Variants in SPAG16 observed in about 807,000 individuals in gnomAD.
SPAG16 encodes the protein sperm-associated antigen 16 protein.
SPAG16 carries 86 observed loss-of-function variants against 80.4 expected under a neutral mutation model. That is an observed-to-expected ratio of 1.07 (90% CI 0.90 to 1.28). The LOEUF (loss-of-function observed/expected upper bound fraction) is 1.28, where lower values mean the gene tolerates loss of function less well. Ranked by LOEUF, SPAG16 falls within the 50% of genes most tolerant of loss-of-function variation. The probability of loss-of-function intolerance (pLI) is 0.00; values close to 1 mark genes in which losing one functional copy is unlikely to be tolerated. For synonymous variants in SPAG16, 294 were observed against 265.9 expected, an observed-to-expected ratio of 1.11 and a Z score of -1.03; for missense variants, 870 against 765.3, an observed-to-expected ratio of 1.14 and a Z score of -1.61.
At chr2:214,137,983 GT>G (rs2055151280) in intron 14 of SPAG16, among the ~76,000 whole-genome samples, 1 of 152,002 alleles carries the variant, frequency 6.6e-6, no homozygotes, top group African/African-American at 2.4e-5. Context: ...CAAAATTAGG[GT>G]GTTCATTGGC....
At chr2:214,061,981 G>GCA (rs58582439) in intron 13 of SPAG16, among the ~76,000 whole-genome samples, 8,704 of 111,528 alleles carry the variant, frequency 0.078, 351 homozygotes, top group Middle Eastern at 0.19. Flanking sequence ...ATAAAAGCAT[G>GCA]CACACACACA....
intron 9 of SPAG16, among the ~76,000 whole-genome samples, chr2:213,437,210 A>G (rs2070697942): frequency 6.6e-6 from 1 of 152,002 alleles, no homozygotes; most frequent in African/African-American, 2.4e-5. Context: ...AAAATGAGAA[A>G]CTCTTAGTCT....
intron 9 of SPAG16, among the ~76,000 whole-genome samples, chr2:213,427,773 C>T (rs187368849): frequency 2.0e-4 from 30 of 152,280 alleles, no homozygotes; most frequent in South Asian, 4.1e-4. Flanking sequence ...TCCATCATAT[C>T]TCAAGTCTGG....
intron 10 of SPAG16, among the ~76,000 whole-genome samples, chr2:213,781,827 A>G (rs1390563312): frequency 6.6e-6 from 1 of 152,216 alleles, no homozygotes; most frequent in Admixed American, 6.5e-5. Context: ...TTGGAGCATG[A>G]AAGTCAAAAT....
chr2:213,670,410 T>A (rs1316644197), intron 10 of SPAG16, among the ~76,000 whole-genome samples: 1 of 152,148 alleles, frequency 6.6e-6, no homozygotes, highest in Non-Finnish European at 1.5e-5. Flanking sequence ...AAAATTAACC[T>A]CATATCACAA....
intron 10 of SPAG16, among the ~76,000 whole-genome samples, chr2:213,720,874 T>C (rs1215683166): frequency 1.3e-5 from 2 of 149,090 alleles, no homozygotes; most frequent in African/African-American, 4.9e-5. Context: ...GTCTCCCAGT[T>C]AGCTGGGACT....
chr2:214,403,766 G>C (rs569599931), intron 15 of SPAG16, among the ~76,000 whole-genome samples: 12 of 152,150 alleles, frequency 7.9e-5, no homozygotes, highest in Admixed American at 3.9e-4. Flanking sequence ...TGGGGGAATG[G>C]AAAAATATAT....
In SPAG16 at chr2:213,361,957, G is replaced by A. The variant is rs1022119850; in HGVS notation, c.763-2119G>A. On this transcript the variant is annotated intron_variant, in intron 7 of 15. Transcript: ENST00000331683. ...GAGACTGGCTTGGGGTTTTTATTGC[G>A]GTTGGGGGTTAGGGCCAGGGTGAGA... Among the ~76,000 whole-genome samples the A allele has an allele frequency of 3.3e-5, 5 of 152,168 alleles. No homozygotes were observed. The Middle Eastern group carries it at 0.01, about 311-fold the overall frequency.
intron 15 of SPAG16, among the ~76,000 whole-genome samples, chr2:214,286,878 A>T (rs2125922968): frequency 6.6e-6 from 1 of 152,338 alleles, no homozygotes; most frequent in South Asian, 2.1e-4. Context: ...TAGGCTAATG[A>T]TGGATCACTT....
At chr2:214,244,083 T>C (rs17766460) in intron 15 of SPAG16, among the ~76,000 whole-genome samples, 17,820 of 152,150 alleles carry the variant, frequency 0.12, 1,263 homozygotes, top group Middle Eastern at 0.21. Flanking sequence ...CCTACTGTAA[T>C]AGCTTTCTTG....
intron 15 of SPAG16, among the ~76,000 whole-genome samples, chr2:214,323,790 A>G (rs925800905): frequency 6.6e-6 from 1 of 152,222 alleles, no homozygotes; most frequent in Non-Finnish European, 1.5e-5. Flanking sequence ...CCATCACACC[A>G]TTAATTATAA....
At chr2:214,269,062 A>T (rs149536600) in intron 15 of SPAG16, among the ~76,000 whole-genome samples, 2,252 of 152,106 alleles carry the variant, frequency 0.015, 66 homozygotes, top group Non-Finnish European at 0.015. Context: ...TCTGGGAAAA[A>T]TTTGCAGAGT....
intron 15 of SPAG16, among the ~76,000 whole-genome samples, chr2:214,311,016 G>A (rs377143853): frequency 4.6e-5 from 7 of 152,176 alleles, no homozygotes; most frequent in African/African-American, 1.4e-4. Context: ...GACACTTACG[G>A]CAACCTCCAA....
At chr2:213,874,637 T>G (rs1023715631) in intron 11 of SPAG16, among the ~76,000 whole-genome samples, 3 of 152,182 alleles carry the variant, frequency 2.0e-5, no homozygotes, top group African/African-American at 7.2e-5. Context: ...TATGGCATTA[T>G]GAAGGTTATC....
At chr2:214,121,678 A>G (rs928281766) in intron 14 of SPAG16, among the ~76,000 whole-genome samples, 1 of 151,868 alleles carries the variant, frequency 6.6e-6, no homozygotes, top group Non-Finnish European at 1.5e-5. Context: ...CCAAAAATCT[A>G]AACTCCAAAA....
intron 12 of SPAG16, among the ~76,000 whole-genome samples, chr2:213,984,677 C>CAAAGGG (rs2045921438): frequency 6.6e-6 from 1 of 152,048 alleles, no homozygotes; most frequent in South Asian, 2.1e-4. Context: ...TTTAATGAAG[C>CAAAGGG]AAAGGGTGCA....
chr2:214,014,940 A>G (rs2047509849), intron 13 of SPAG16, among the ~76,000 whole-genome samples: 1 of 152,198 alleles, frequency 6.6e-6, no homozygotes, highest in Non-Finnish European at 1.5e-5. Flanking sequence ...GCCAGAAGCC[A>G]GAAATAGATA....
intron 9 of SPAG16, among the ~76,000 whole-genome samples, chr2:213,377,202 G>T (rs949230339): frequency 6.6e-6 from 1 of 152,142 alleles, no homozygotes. Flanking sequence ...TGTCTTAGAG[G>T]ATAGCAATAA....
intron 14 of SPAG16, among the ~76,000 whole-genome samples, chr2:214,128,508 C>G (rs1272488636): frequency 1.3e-5 from 2 of 151,758 alleles, no homozygotes; most frequent in Non-Finnish European, 2.9e-5. Context: ...CAACTTTGGC[C>G]AGTTCCAAGA....
Sources: gnomAD v4.1 joint callset for allele counts (sites outside exome capture counted in the v4.1 genomes callset) on GRCh38, gnomAD v4.1.1 for gene constraint, MANE v1.5 for transcripts, NCBI Gene and HGNC (gene_info 2026-07-23, HGNC 2026-07-21) for gene names.